The following SRCIN1 variants were observed in gnomAD, a reference collection of about 807,000 sequenced individuals.
SRCIN1 encodes the protein P130Cas-associated protein.
Under a neutral mutation model 116.2 loss-of-function variants are expected in SRCIN1, and 50 were observed. The ratio of observed to expected loss-of-function variants is 0.43; its 90% CI spans 0.34 to 0.54. The LOEUF is 0.54. Ranked by LOEUF, SRCIN1 falls within the 20% of genes least tolerant of loss-of-function variation. The pLI is 0.02. For missense variants in SRCIN1, 1,446 were observed against 1,672.0 expected, an observed-to-expected ratio of 0.86 and a Z score of 2.36; for synonymous variants, 736 against 750.0, an observed-to-expected ratio of 0.98 and a Z score of 0.30.
In SRCIN1 at chr17:38,562,209, G is replaced by A. The variant is rs1906313624; in HGVS notation, c.954C>T (p.Ser318=). Residue 318 remains serine, a synonymous_variant, in exon 7 of 19, where the codon TCC becomes TCT. Transcript: ENST00000617146. This position sits in a 1 kb window ranked among gnomAD's most constrained non-coding sequence, Gnocchi z 4.2. The stretch of plus-strand genomic sequence containing the variant: ...GCGACGGCGAACCGGACTGCAGCCC[G>A]GACGGCAGCCCCGACGGCAGCCCGG... ...PPPGLPSGLP[S]GLQSGSPSRS... is the part of the protein sequence containing the mutation. 2.1e-6 allele frequency: 3 copies of A among 1,426,960 alleles called. No homozygotes were observed. The highest frequency in any genetic ancestry group is 3.0e-5 in the African/African-American group (2 of 66,606). 88.4% of individuals were successfully genotyped at this position (1,426,960 alleles called of 1,614,324 possible).
intron 1 of SRCIN1, among the ~76,000 whole-genome samples, chr17:38,598,990 TGTGTGTGTGTATGTGTGTGTGTACGTAC>T (rs1379733953): frequency 3.4e-5 from 5 of 148,186 alleles, no homozygotes; most frequent in Admixed American, 6.8e-5. Context: ...AAGGCATGAG[TGTGTGTGTGTATGTGTGTGTGTACGTAC>T]GTGTGTGTGT....
intron 15 of SRCIN1, 43 bp from the exon 16 acceptor site, chr17:38,549,253 TGGAGTCAGTG>T (rs763949865): frequency 2.0e-6 from 3 of 1,483,968 alleles, no homozygotes; most frequent in Non-Finnish European, 2.7e-6. Context: ...CCTGCAACCT[TGGAGTCAGTG>T]CACTACATCT....
At position 38,563,651 on chromosome 17, in the gene SRCIN1, A is replaced by G; in HGVS notation, c.542-130T>C. On this transcript the variant is annotated intron_variant, in intron 4 of 18. Coordinates refer to ENST00000617146, the MANE Select transcript of SRCIN1 (RefSeq NM_025248.3). This position sits in a 1 kb window ranked among gnomAD's most constrained non-coding sequence, Gnocchi z 5.8. ...GGTCTGAGGCTAGACGCCGCCCCCG[A>G]GTGCAGATGCACCCAGGCACCTCTC... is the stretch of plus-strand genomic sequence containing the variant. The G allele has an allele frequency of 7.9e-7, 1 of 1,265,454 alleles. No homozygotes were observed. Among genetic ancestry groups the G allele is most frequent in the Middle Eastern group, 1.9e-4 (1 of 5,338 alleles). The allele number at this position is 1,265,454 out of a possible 1,614,324, so 78.4% of individuals were successfully genotyped here.
At chr17:38,565,894 A>C (rs193160750) in intron 3 of SRCIN1, among the ~76,000 whole-genome samples, 1 of 152,156 alleles carries the variant, frequency 6.6e-6, no homozygotes, top group Admixed American at 6.5e-5. Context: ...GGCAGTAGGG[A>C]GGGGCCGCTT....
At position 38,571,777 on chromosome 17, in the gene SRCIN1, C is replaced by T. The variant is rs111955075; in HGVS notation, c.325-3546G>A. On this transcript the variant is annotated intron_variant, in intron 2 of 18. Coordinates refer to ENST00000617146, the MANE Select transcript of SRCIN1 (RefSeq NM_025248.3). ...ACCCTAGGGACCACGCTGTGAGAAACGGGGGAAAGGAGTGTCTCTCAAGGC... is the reference window on the plus strand; with the variant it reads ...ACCCTAGGGACCACGCTGTGAGAAATGGGGGAAAGGAGTGTCTCTCAAGGC... Among the ~76,000 whole-genome samples, 581 of 152,244 alleles carry T rather than the reference C, an allele frequency of 3.8e-3. 2 individuals carry two copies. The highest frequency in any genetic ancestry group is 0.012 in the African/African-American group (508 of 41,538).
In SRCIN1 at chr17:38,601,623, C is replaced by T. The variant is rs148491194; in HGVS notation, c.22+4061G>A. ...GTGGGGAGGGGGATGGCGCCCTCAA[C>T]ACATACACACACACGCACACACACA... On this transcript the variant is annotated intron_variant, in intron 1 of 18. Transcript: ENST00000617146. 7.0e-3 allele frequency among the ~76,000 whole-genome samples: 1,020 copies of T among 145,062 alleles called. 9 individuals carry two copies. Among genetic ancestry groups the T allele is most frequent in the African/African-American group, 0.023 (914 of 39,072 alleles).
chr17:38,580,377 C>T (rs73982838), intron 1 of SRCIN1, among the ~76,000 whole-genome samples: 3,710 of 152,224 alleles, frequency 0.024, 165 homozygotes, highest in African/African-American at 0.086. Context: ...CCCAGCACCT[C>T]CCACCGAACC....
At chr17:38,576,234 C>T (rs1051269185) in intron 2 of SRCIN1, among the ~76,000 whole-genome samples, 1 of 152,144 alleles carries the variant, frequency 6.6e-6, no homozygotes, top group African/African-American at 2.4e-5. Context: ...CTTCACCAAT[C>T]CCAAACTCCC....
intron 3 of SRCIN1, among the ~76,000 whole-genome samples, chr17:38,567,223 A>G (rs1286058064): frequency 6.6e-6 from 1 of 152,168 alleles, no homozygotes; most frequent in East Asian, 1.9e-4. Context: ...CTATCTTTAC[A>G]ACAATTCTAT....
chr17:38,600,053 C>T (rs1003839210), intron 1 of SRCIN1, among the ~76,000 whole-genome samples: 1 of 152,218 alleles, frequency 6.6e-6, no homozygotes, highest in African/African-American at 2.4e-5. Flanking sequence ...TCTGTTGTTT[C>T]ATTTAATCTT....
Position 38,568,978 on chromosome 17 carries a change from C to T in SRCIN1, c.325-747G>A, listed in dbSNP as rs1285718090. On this transcript the variant is annotated intron_variant, in intron 2 of 18. Transcript: ENST00000617146. The surrounding 1 kb of genome is among the most constrained non-coding windows in gnomAD (Gnocchi z 4.5). The stretch of plus-strand genomic sequence containing the variant: ...GGGGCCCAAGGCCAAGAGAGAGAGG[C>T]CTATGCAGCATGGTGGATCTAGTTT... 6.6e-6 allele frequency among the ~76,000 whole-genome samples: 1 copy of T among 151,880 alleles called. No individual in the cohort carries two copies. The highest frequency in any genetic ancestry group is 1.9e-4 in the East Asian group (1 of 5,138).
chr17:38,555,316 T>C (rs1597897370), intron 11 of SRCIN1, among the ~76,000 whole-genome samples: 1 of 152,124 alleles, frequency 6.6e-6, no homozygotes, highest in African/African-American at 2.4e-5. Context: ...AAACCTCCCA[T>C]GTAAGGTCCT....
intron 1 of SRCIN1, among the ~76,000 whole-genome samples, chr17:38,580,549 G>T (rs2143332921): frequency 6.6e-6 from 1 of 152,342 alleles, no homozygotes; most frequent in East Asian, 1.9e-4. Flanking sequence ...CCACTGACAA[G>T]CCTAAAGCAA....
intron 11 of SRCIN1, among the ~76,000 whole-genome samples, chr17:38,557,839 C>T (rs1830244977): frequency 6.6e-6 from 1 of 152,146 alleles, no homozygotes; most frequent in South Asian, 2.1e-4. Flanking sequence ...GGCACCTGAA[C>T]GCTGCACCTG....
rs577898835 is a variant in SRCIN1 at position 38,597,020 on chromosome 17, C to T, written c.22+8664G>A. Reference sequence around the variant, plus strand: ...CTGCCGGGAGACACTGTGGCCAGCACCCACTCAGGCACAGCCCTCCCTGGG... The same window carrying T: ...CTGCCGGGAGACACTGTGGCCAGCATCCACTCAGGCACAGCCCTCCCTGGG... On this transcript the variant is annotated intron_variant, in intron 1 of 18. Coordinates refer to ENST00000617146, the MANE Select transcript of SRCIN1 (RefSeq NM_025248.3). Among the ~76,000 whole-genome samples, 4 of 152,296 alleles carry T rather than the reference C, an allele frequency of 2.6e-5. No individual in the cohort carries two copies. The East Asian group carries it at 7.7e-4, about 29-fold the overall frequency.
At chr17:38,556,632 T>A (rs894771076) in intron 11 of SRCIN1, among the ~76,000 whole-genome samples, 6 of 152,220 alleles carry the variant, frequency 3.9e-5, no homozygotes, top group African/African-American at 1.4e-4. Flanking sequence ...AGGGCCTTCA[T>A]GGCCAGGTTG....
chr17:38,578,879 C>A (rs1330550189), intron 1 of SRCIN1, 88 bp from the exon 2 acceptor site: 2 of 1,400,442 alleles, frequency 1.4e-6, no homozygotes, highest in Non-Finnish European at 9.3e-7. Flanking sequence ...CGGGAAGGGG[C>A]GGGGCCTGGG....
intron 1 of SRCIN1, among the ~76,000 whole-genome samples, chr17:38,598,913 C>G (rs1371093949): frequency 1.3e-5 from 2 of 152,162 alleles, no homozygotes; most frequent in East Asian, 3.9e-4. Flanking sequence ...ACTCCCTTCT[C>G]CATCCCCTGG....
In SRCIN1 at chr17:38,572,131, C is replaced by G. The variant is rs1459955787; in HGVS notation, c.325-3900G>C. Among the ~76,000 whole-genome samples, 3 of 152,136 alleles carry G rather than the reference C, an allele frequency of 2.0e-5. No individual in the cohort carries two copies. The East Asian group carries it at 5.8e-4, about 29-fold the overall frequency. On this transcript the variant is annotated intron_variant, in intron 2 of 18. Transcript: ENST00000617146. The surrounding 1 kb of genome is among the most constrained non-coding windows in gnomAD (Gnocchi z 4.3). ...CACCTTCCAAGGAGGGAGGGCAACCCACGGGTCCACACCGGCTCCTTAATC... is the reference window on the plus strand; with the variant it reads ...CACCTTCCAAGGAGGGAGGGCAACCGACGGGTCCACACCGGCTCCTTAATC...
Sources: gnomAD v4.1 joint callset for allele counts (sites outside exome capture counted in the v4.1 genomes callset) on GRCh38, gnomAD v4.1.1 for gene constraint, Gnocchi (gnomAD v3.1) non-coding constraint, MANE v1.5 for transcripts, NCBI Gene and HGNC (gene_info 2026-07-23, HGNC 2026-07-21) for gene names.